Variants in MNAT1 observed in about 807,000 individuals in gnomAD.
MNAT1 encodes MNAT1 component of CDK activating kinase.
Under a neutral mutation model 42.0 loss-of-function variants are expected in MNAT1, and 43 were observed. That is an observed-to-expected ratio of 1.02 (90% CI 0.80 to 1.32). The LOEUF is 1.32. Among genes scored for constraint, MNAT1 ranks in the 40% most tolerant of loss-of-function variants. MNAT1 has a pLI of 0.00. For synonymous variants in MNAT1, 118 were observed against 120.0 expected (o/e 0.98, Z 0.11); for missense variants, 306 against 350.4 (o/e 0.87, Z 1.01).
At position 60,762,271 on chromosome 14, in the gene MNAT1, G is replaced by A. The variant is rs148672761; in HGVS notation, c.89+27320G>A. ...TTATTTGATGTATTTATTGCTTTCTGGGCAAGACTCAGCTTCATGAAAAAA... is the reference window on the plus strand; with the variant it reads ...TTATTTGATGTATTTATTGCTTTCTAGGCAAGACTCAGCTTCATGAAAAAA... On this transcript the variant is annotated intron_variant, in intron 1 of 7. Coordinates refer to ENST00000261245, the MANE Select transcript of MNAT1 (RefSeq NM_002431.4). Among the ~76,000 whole-genome samples the A allele has an allele frequency of 7.1e-3, 1,076 of 152,196 alleles. 15 individuals are homozygous for A. Among genetic ancestry groups the A allele is most frequent in the African/African-American group, 0.025 (1,021 of 41,538 alleles).
intron 7 of MNAT1, among the ~76,000 whole-genome samples, chr14:60,885,660 C>A (rs756243224): frequency 6.6e-6 from 1 of 151,944 alleles, no homozygotes; most frequent in Non-Finnish European, 1.5e-5. Context: ...TGGGTATTAA[C>A]CCTTTATTGG....
At chr14:60,869,040 A>ATATATATATATTTTTTT (rs1465360826) in intron 6 of MNAT1, among the ~76,000 whole-genome samples, 3 of 113,054 alleles carry the variant, frequency 2.7e-5, no homozygotes, top group African/African-American at 6.8e-5. Context: ...ATATATATAT[A>ATATATATATATTTTTTT]TTTTTTTTTT....
At chr14:60,967,132 T>C (rs776627367) in intron 7 of MNAT1, among the ~76,000 whole-genome samples, 14 of 152,212 alleles carry the variant, frequency 9.2e-5, no homozygotes, top group Non-Finnish European at 4.4e-5. Context: ...AGCTGCATCC[T>C]ACCTTGACCC....
intron 7 of MNAT1, among the ~76,000 whole-genome samples, chr14:60,929,162 A>AT (rs1422031735): frequency 1.7e-3 from 219 of 127,788 alleles, no homozygotes; most frequent in African/African-American, 2.5e-3. Flanking sequence ...AAAAAAAAAA[A>AT]AAAAAAAAAT....
chr14:60,811,419 C>T (rs1401445237), intron 4 of MNAT1, among the ~76,000 whole-genome samples: 1 of 151,138 alleles, frequency 6.6e-6, no homozygotes, highest in Non-Finnish European at 1.5e-5. Context: ...TCTCCTGCCT[C>T]AGCCTCCCGA....
At chr14:60,837,679 CT>C (rs2033431436) in intron 6 of MNAT1, among the ~76,000 whole-genome samples, 1 of 152,208 alleles carries the variant, frequency 6.6e-6, no homozygotes, top group Non-Finnish European at 1.5e-5. Context: ...ATCTTGCCCT[CT>C]TTTGTTACTT....
chr14:60,938,020 G>T (rs1164132088), intron 7 of MNAT1, among the ~76,000 whole-genome samples: 1 of 151,648 alleles, frequency 6.6e-6, no homozygotes, highest in Non-Finnish European at 1.5e-5. Context: ...CTCATGATTT[G>T]GCTGTTTGTC....
At chr14:60,930,163 A>C (rs2035855729) in intron 7 of MNAT1, among the ~76,000 whole-genome samples, 1 of 150,738 alleles carries the variant, frequency 6.6e-6, no homozygotes, top group Admixed American at 6.6e-5. Context: ...TTAAGAGGAT[A>C]TCCTCCTTCG....
At chr14:60,843,014 G>C (rs1477482485) in intron 6 of MNAT1, among the ~76,000 whole-genome samples, 1 of 152,172 alleles carries the variant, frequency 6.6e-6, no homozygotes, top group Non-Finnish European at 1.5e-5. Flanking sequence ...ATAAGTCAGG[G>C]AATGTGTGTA....
rs2031041454 is a variant in MNAT1, at chr14:60,771,215, T to G, written c.90-25002T>G. Among the ~76,000 whole-genome samples, 3 of 152,264 alleles carry G rather than the reference T, an allele frequency of 2.0e-5. No homozygotes were observed. In the South Asian group the frequency reaches 6.2e-4, roughly 32 times the overall value. On this transcript the variant is annotated intron_variant, in intron 1 of 7. Transcript: ENST00000261245. ...TTTGTTTTTTACATCTTTGCCAGCA[T>G]TTGGTATTGTCAGACTTTAAAATTA...
At chr14:60,762,465 A>G (rs1358009952) in intron 1 of MNAT1, among the ~76,000 whole-genome samples, 1 of 151,960 alleles carries the variant, frequency 6.6e-6, no homozygotes, top group Non-Finnish European at 1.5e-5. Context: ...GGATCACCTG[A>G]GGTTAGGAGT....
rs532303428 is a variant in MNAT1 at position 60,936,862 on chromosome 14, T to A, written c.810-31367T>A. ...CACCAACAGTGTAAAAGTGTTCCTA[T>A]TTCTCCACATCCTCTCCAGCACCTG... On this transcript the variant is annotated intron_variant, in intron 7 of 7. Transcript: ENST00000261245. Among the ~76,000 whole-genome samples the A allele has an allele frequency of 3.2e-3, 484 of 152,284 alleles. 5 individuals carry two copies. The highest frequency in any genetic ancestry group is 0.011 in the African/African-American group (464 of 41,542).
chr14:60,839,220 G>C (rs1461443110), intron 6 of MNAT1, among the ~76,000 whole-genome samples: 1 of 152,132 alleles, frequency 6.6e-6, no homozygotes, highest in Non-Finnish European at 1.5e-5. Context: ...TTATGAGCCT[G>C]CCCGTGGCCA....
intron 5 of MNAT1, among the ~76,000 whole-genome samples, chr14:60,814,834 A>G (rs1038049637): frequency 1.3e-5 from 2 of 152,194 alleles, no homozygotes; most frequent in Admixed American, 1.3e-4. Flanking sequence ...AACTTTCATT[A>G]GTTCTTTCTT....
chr14:60,894,940 T>C (rs1326089195), intron 7 of MNAT1, among the ~76,000 whole-genome samples: 1 of 152,220 alleles, frequency 6.6e-6, no homozygotes, highest in African/African-American at 2.4e-5. Flanking sequence ...TGAAGGAATT[T>C]AGATAATTAG....
chr14:60,812,287 T>G (rs1378615870), intron 5 of MNAT1, among the ~76,000 whole-genome samples, 160 bp downstream of exon 5: 2 of 151,960 alleles, frequency 1.3e-5, no homozygotes, highest in Admixed American at 6.5e-5. Context: ...TATTTATTGC[T>G]GAATAAGAGG....
At chr14:60,845,309 C>G (rs1238264755) in intron 6 of MNAT1, among the ~76,000 whole-genome samples, 7 of 151,678 alleles carry the variant, frequency 4.6e-5, no homozygotes, top group Non-Finnish European at 1.0e-4. Flanking sequence ...CAGCTTTTCT[C>G]TATTTTTTTT....
chr14:60,913,897 T>C (rs113845268), intron 7 of MNAT1, among the ~76,000 whole-genome samples: 1 of 152,216 alleles, frequency 6.6e-6, no homozygotes, highest in Non-Finnish European at 1.5e-5. Flanking sequence ...ATTGCTCTTT[T>C]GTTTGTCTGT....
At chr14:60,921,064 C>T (rs1261472814) in intron 7 of MNAT1, among the ~76,000 whole-genome samples, 1 of 152,078 alleles carries the variant, frequency 6.6e-6, no homozygotes, top group African/African-American at 2.4e-5. Flanking sequence ...TCTCTAAGTC[C>T]TTCTACCATG....
Sources: gnomAD v4.1 joint callset for allele counts (sites outside exome capture counted in the v4.1 genomes callset) on GRCh38, gnomAD v4.1.1 for gene constraint, MANE v1.5 for transcripts, NCBI Gene and HGNC (gene_info 2026-07-23, HGNC 2026-07-21) for gene names.